The following PRRC2B variants were observed in gnomAD, a reference collection of about 807,000 sequenced individuals.
PRRC2B encodes the protein protein PRRC2B.
A neutral mutation model predicts 242.3 loss-of-function variants in PRRC2B; 68 were observed. The observed-to-expected ratio is 0.28, with a 90% CI of 0.23 to 0.34. PRRC2B has a LOEUF of 0.34. Ranked by LOEUF, PRRC2B falls within the 10% of genes least tolerant of loss-of-function variation. The pLI is 1.00. For synonymous variants in PRRC2B, 1,228 were observed against 1,173.6 expected, an observed-to-expected ratio of 1.05 and a Z score of -0.95; for missense variants, 2,835 against 2,954.8, an observed-to-expected ratio of 0.96 and a Z score of 0.94.
chr9:131,402,193 C>A (rs1204255112), intron 1 of PRRC2B, among the ~76,000 whole-genome samples: 1 of 152,116 alleles, frequency 6.6e-6, no homozygotes, highest in Non-Finnish European at 1.5e-5. Context: ...TGAGCTCAAG[C>A]GATTTGCCTG....
At chr9:131,416,613 C>A (rs1054753004) in intron 1 of PRRC2B, among the ~76,000 whole-genome samples, 4 of 104,446 alleles carry the variant, frequency 3.8e-5, no homozygotes, top group African/African-American at 1.2e-4. Flanking sequence ...TTAGCTTGTA[C>A]CCAGTGTCTT....
intron 31 of PRRC2B, among the ~76,000 whole-genome samples, 174 bp from the exon 32 acceptor site, chr9:131,495,566 G>A (rs1197855849): frequency 1.3e-5 from 2 of 152,134 alleles, no homozygotes; most frequent in African/African-American, 2.4e-5. Context: ...CGGCACTCGC[G>A]CCACTTTCCT....
chr9:131,478,642 G>GGGGGGGGGGGGGGGGC, intron 18 of PRRC2B, 23 bp downstream of exon 18: 18 of 481,948 alleles, frequency 3.7e-5, no homozygotes, highest in Admixed American at 5.0e-5. Flanking sequence ...GGGTGGGGGG[G>GGGGGGGGGGGGGGGGC]CATGGGGCTG....
chr9:131,484,662 T>C lies in PRRC2B; in HGVS notation c.5461-24T>C, dbSNP rs762844414. ...CATCTCTGCACCTGTTTGTGTTCCATGGTTTCCTTTTCCTCCTCTCCAGGC... is the reference window on the plus strand; with the variant it reads ...CATCTCTGCACCTGTTTGTGTTCCACGGTTTCCTTTTCCTCCTCTCCAGGC... On this transcript the variant is annotated intron_variant, in intron 23 of 31. Transcript: ENST00000683519. 38 of 1,572,452 alleles carry C rather than the reference T, an allele frequency of 2.4e-5. No individual in the cohort carries two copies. In the South Asian group the frequency reaches 3.5e-4, roughly 14 times the overall value.
chr9:131,466,973 T>C (rs1463230924), intron 12 of PRRC2B, among the ~76,000 whole-genome samples: 2 of 152,100 alleles, frequency 1.3e-5, no homozygotes, highest in Admixed American at 6.6e-5. Flanking sequence ...GGCTGATTTT[T>C]TGTATTTTTA....
chr9:131,452,983 A>C (rs1942967840), intron 9 of PRRC2B, among the ~76,000 whole-genome samples: 1 of 152,146 alleles, frequency 6.6e-6, no homozygotes, highest in African/African-American at 2.4e-5. Flanking sequence ...CTGTATATTT[A>C]CTGATGTTTT....
upstream of PRRC2B, among the ~76,000 whole-genome samples, chr9:131,392,108 T>A (rs1836908973): frequency 6.6e-6 from 1 of 151,248 alleles, no homozygotes; most frequent in Non-Finnish European, 1.5e-5. Flanking sequence ...TCTTTCTTTT[T>A]TTTTTTTTGA....
At chr9:131,377,337 T>G (rs1369047371) in intron 1 of PRRC2B, among the ~76,000 whole-genome samples, 1 of 152,146 alleles carries the variant, frequency 6.6e-6, no homozygotes. Flanking sequence ...ATGGTCTCAA[T>G]CTCCTAACCT....
intron 1 of PRRC2B, among the ~76,000 whole-genome samples, chr9:131,428,588 G>T (rs914052910): frequency 6.6e-6 from 1 of 151,828 alleles, no homozygotes; most frequent in African/African-American, 2.4e-5. Flanking sequence ...GTAAAGATGG[G>T]GTTTCACCAT....
rs142969713 is a variant in PRRC2B at position 131,453,848 on chromosome 9, A to C, written c.1121-1228A>C. 5.2e-3 allele frequency among the ~76,000 whole-genome samples: 798 copies of C among 152,334 alleles called. 1 individual carries two copies. The highest frequency in any genetic ancestry group is 7.4e-3 in the Non-Finnish European group (501 of 68,036). On this transcript the variant is annotated intron_variant, in intron 9 of 31. Transcript: ENST00000683519. The stretch of plus-strand genomic sequence containing the variant: ...TGAATTATATGATTATATGATTCAC[A>C]TAATTTTAATATAATTATATGATTG...
intron 26 of PRRC2B, 116 bp downstream of exon 26, chr9:131,486,298 A>G (rs1404832954): frequency 8.1e-6 from 7 of 869,488 alleles, no homozygotes; most frequent in Non-Finnish European, 1.2e-5. Flanking sequence ...TCCCCCTCAC[A>G]TGTGGTGACC....
chr9:131,389,919 TTTTTTTTG>T (rs1180686071), upstream of PRRC2B, among the ~76,000 whole-genome samples: 1 of 126,476 alleles, frequency 7.9e-6, no homozygotes, highest in Non-Finnish European at 1.7e-5. Flanking sequence ...ATGGTTGTTT[TTTTTTTTG>T]TTTTTTTTTT....
intron 1 of PRRC2B, among the ~76,000 whole-genome samples, chr9:131,429,875 G>T (rs868235312): frequency 4.3e-4 from 65 of 152,122 alleles, no homozygotes; most frequent in Middle Eastern, 3.4e-3. Flanking sequence ...TCCACAGATC[G>T]CCTCGGGGTG....
chr9:131,462,635 C>A (rs1327056716), intron 11 of PRRC2B, among the ~76,000 whole-genome samples: 3 of 151,412 alleles, frequency 2.0e-5, no homozygotes, highest in African/African-American at 7.3e-5. Flanking sequence ...GTCAGAAGTT[C>A]TAGACCAGCC....
chr9:131,459,336 G>A lies in PRRC2B; in HGVS notation c.1384G>A (p.Ala462Thr). 1.2e-6 allele frequency: 2 copies of A among 1,613,532 alleles called. No homozygotes were observed. The highest frequency in any genetic ancestry group is 8.5e-7 in the Non-Finnish European group (1 of 1,179,616). The change falls in exon 11 of 32, where the codon GCA becomes ACA. Residue 462 changes from alanine to threonine, a missense_variant. Physicochemically the swap from Ala to Thr is moderately conservative, Grantham distance 58. Coordinates refer to ENST00000683519, the MANE Select transcript of PRRC2B (RefSeq NM_013318.4). ...QPPPRKLHGWAPGPDYQKSSM... is the reference protein window; with the variant it reads ...QPPPRKLHGWTPGPDYQKSSM... ...ACCGCCCAGGAAGCTTCATGGCTGGGCACCAGGCCCTGACTACCAGGTACC... is the reference window on the plus strand; with the variant it reads ...ACCGCCCAGGAAGCTTCATGGCTGGACACCAGGCCCTGACTACCAGGTACC...
chr9:131,399,437 G>T (rs34290390), intron 1 of PRRC2B, among the ~76,000 whole-genome samples: 298 of 151,800 alleles, frequency 2.0e-3, no homozygotes, highest in African/African-American at 7.1e-3. Flanking sequence ...AAATTAGCCG[G>T]GCGTGGTGGC....
intron 3 of PRRC2B, among the ~76,000 whole-genome samples, chr9:131,436,290 G>A (rs1838367681): frequency 6.6e-6 from 1 of 152,158 alleles, no homozygotes; most frequent in Non-Finnish European, 1.5e-5. Context: ...GCTTGAGGCC[G>A]GGAAGCAGAG....
At chr9:131,396,570 C>T (rs1486111153) in intron 1 of PRRC2B, among the ~76,000 whole-genome samples, 1 of 152,162 alleles carries the variant, frequency 6.6e-6, no homozygotes, top group Non-Finnish European at 1.5e-5. Flanking sequence ...AGGTGATTTG[C>T]CTGCCTTGGC....
At chr9:131,492,741 C>T (rs1004772412) in intron 30 of PRRC2B, among the ~76,000 whole-genome samples, 3 of 152,206 alleles carry the variant, frequency 2.0e-5, no homozygotes, top group Non-Finnish European at 4.4e-5. Context: ...AACCAGCACC[C>T]TCTTTTTGCT....
Sources: gnomAD v4.1 joint callset for allele counts (sites outside exome capture counted in the v4.1 genomes callset) on GRCh38, gnomAD v4.1.1 for gene constraint, MANE v1.5 for transcripts, NCBI Gene and HGNC (gene_info 2026-07-23, HGNC 2026-07-21) for gene names.